Variants in TMX3 observed in about 807,000 individuals in gnomAD.
TMX3 encodes protein disulfide-isomerase TMX3.
TMX3 carries 40 observed loss-of-function variants against 64.4 expected under a neutral mutation model. The ratio of observed to expected loss-of-function variants is 0.62; its 90% CI spans 0.48 to 0.81. TMX3 has a LOEUF of 0.81. Ranked by LOEUF, TMX3 falls within the 30% of genes least tolerant of loss-of-function variation. The pLI, the probability that TMX3 is intolerant of heterozygous loss-of-function variation, is 0.00. For synonymous variants in TMX3, 189 were observed against 175.7 expected (o/e 1.08, Z -0.60); for missense variants, 497 against 534.5 (o/e 0.93, Z 0.69).
intron 2 of TMX3, among the ~76,000 whole-genome samples, chr18:68,711,904 C>G (rs1358808215): frequency 6.6e-6 from 1 of 152,160 alleles, no homozygotes; most frequent in African/African-American, 2.4e-5. Flanking sequence ...CCAGATCACT[C>G]CCCTGAAGAT....
In TMX3 at chr18:68,691,332, C is replaced by T; in HGVS notation, c.600G>A (p.Val200=). 1 of 1,578,600 alleles carries T rather than the reference C, an allele frequency of 6.3e-7. No homozygotes were observed. Among genetic ancestry groups the T allele is most frequent in the Non-Finnish European group, 8.6e-7 (1 of 1,159,012 alleles). ...AGTAAGTTTCATCTTTGAAAACAAG[C>T]ACAGCTGGCATCTCTTTTAGTGTCA... ...EYVTLKEMPA[V]LVFKDETYFV... is the part of the protein sequence containing the mutation. Residue 200 remains valine, a synonymous_variant, in exon 9 of 16, where the codon GTG becomes GTA. Coordinates refer to ENST00000299608, the MANE Select transcript of TMX3 (RefSeq NM_019022.5).
intron 3 of TMX3, among the ~76,000 whole-genome samples, chr18:68,711,047 A>C (rs960932633): frequency 6.6e-6 from 1 of 152,212 alleles, no homozygotes; most frequent in Non-Finnish European, 1.5e-5. Context: ...AGCAAGAGTG[A>C]ATTCTGTAAT....
At position 68,696,927 on chromosome 18, in the gene TMX3, G is replaced by A. The variant is rs142850912; in HGVS notation, c.570+299C>T. 4.7e-3 allele frequency: 1,192 copies of A among 254,334 alleles called. 17 individuals are homozygous for A. Among genetic ancestry groups the A allele is most frequent in the African/African-American group, 0.026 (1,116 of 42,994 alleles). 15.8% of individuals were successfully genotyped at this position (254,334 alleles called of 1,614,324 possible). A position where few individuals can be genotyped will look rare whatever the true frequency, so the allele number is the denominator to read the frequency against. ...ACGCACGCAAAATAATCCACCACTT[G>A]TAAGCCAATTTAGGAGTTTGAGGTA... On this transcript the variant is annotated intron_variant, in intron 8 of 15. Coordinates refer to ENST00000299608, the MANE Select transcript of TMX3 (RefSeq NM_019022.5).
At chr18:68,699,596 C>T (rs959196419) in intron 6 of TMX3, among the ~76,000 whole-genome samples, 1 of 152,056 alleles carries the variant, frequency 6.6e-6, no homozygotes, top group African/African-American at 2.4e-5. Flanking sequence ...TACCTTAAAG[C>T]TATTTAAAGC....
intron 11 of TMX3, 84 bp downstream of exon 11, chr18:68,684,344 A>T: frequency 6.6e-7 from 1 of 1,506,428 alleles, no homozygotes. Context: ...CTGCAGGAAA[A>T]GTAAGATACC....
intron 10 of TMX3, chr18:68,686,744 A>G (rs1426135289): frequency 5.1e-6 from 5 of 985,168 alleles, no homozygotes; most frequent in Non-Finnish European, 6.0e-6. Context: ...ACAGTCTTTG[A>G]CACTGTCCCC....
chr18:68,713,317 G>A lies in TMX3; in HGVS notation c.101+529C>T, dbSNP rs141799582. Among the ~76,000 whole-genome samples the A allele has an allele frequency of 4.1e-3, 620 of 152,292 alleles. 9 individuals are homozygous for A. The highest frequency in any genetic ancestry group is 0.036 in the East Asian group (187 of 5,176). On this transcript the variant is annotated intron_variant, in intron 2 of 15. Coordinates refer to ENST00000299608, the MANE Select transcript of TMX3 (RefSeq NM_019022.5). The stretch of plus-strand genomic sequence containing the variant: ...TGGGAGTGTAGACATGCAAATGAGC[G>A]TGGCTGGCCTGGGAGGCCGAATCCT...
intron 8 of TMX3, among the ~76,000 whole-genome samples, chr18:68,695,308 ATTTCTTCTCACTT>A (rs1914951510): frequency 6.6e-6 from 1 of 151,838 alleles, no homozygotes; most frequent in South Asian, 2.1e-4. Context: ...CTAATTTACT[ATTTCTTCTCACTT>A]TCCTTTGCTG....
Position 68,676,957 on chromosome 18 carries a change from A to G in TMX3, c.1341T>C (p.Asp447=). ...CTCAATCTTTCTTCTTTTCTAATAC[A>G]TCCTTGGGCTCCTGCACTGTAGGCA... ...SVVPTVQEPK[D]VLEKKKD Residue 447 remains aspartate, a synonymous_variant, in exon 16 of 16, where the codon GAT becomes GAC. Transcript: ENST00000299608. 1 of 1,612,772 alleles carries G rather than the reference A, an allele frequency of 6.2e-7. No homozygotes were observed. The highest frequency in any genetic ancestry group is 8.5e-7 in the Non-Finnish European group (1 of 1,179,574).
At chr18:68,697,743 C>G in intron 7 of TMX3, 189 bp downstream of exon 7, 1 of 525,416 alleles carries the variant, frequency 1.9e-6, no homozygotes, top group Non-Finnish European at 3.3e-6. Context: ...TTACACACTT[C>G]TGTTTCATAT....
In TMX3 at chr18:68,714,932, T is replaced by A; in HGVS notation, c.46+4A>T. ...CAGCGTCCCGACCGCTGAGCCCCCATTACCTGTGGCGCAGAGCCGCAGGGC... is the reference window on the plus strand; with the variant it reads ...CAGCGTCCCGACCGCTGAGCCCCCAATACCTGTGGCGCAGAGCCGCAGGGC... On this transcript the variant is annotated splice_donor_region_variant and intron_variant, in intron 1 of 15. Transcript: ENST00000299608. 2 of 1,562,550 alleles carry A rather than the reference T, an allele frequency of 1.3e-6. No homozygotes were observed. Among genetic ancestry groups the A allele is most frequent in the Non-Finnish European group, 1.7e-6 (2 of 1,154,016 alleles).
intron 10 of TMX3, among the ~76,000 whole-genome samples, chr18:68,686,279 T>C (rs1336203722): frequency 6.6e-6 from 1 of 152,174 alleles, no homozygotes; most frequent in Non-Finnish European, 1.5e-5. Flanking sequence ...TCCAAATTCA[T>C]CTGGGAAAAG....
In TMX3 at chr18:68,674,728, A is replaced by T. The variant is rs898649204; in HGVS notation, c.*2205T>A. 1 of 152,140 alleles carries T rather than the reference A, an allele frequency of 6.6e-6. No individual in the cohort carries two copies. The highest frequency in any genetic ancestry group is 2.1e-4 in the South Asian group (1 of 4,832). 9.4% of individuals were successfully genotyped at this position (152,140 alleles called of 1,614,324 possible). A position where few individuals can be genotyped will look rare whatever the true frequency, so the allele number is the denominator to read the frequency against. On this transcript the variant is annotated 3_prime_UTR_variant, in exon 16 of 16. Coordinates refer to ENST00000299608, the MANE Select transcript of TMX3 (RefSeq NM_019022.5). ...CTGACAATGTAAATAAACATCTCCC[A>T]AAGTAGAGAAAAAAACAAAATTTTA...
At chr18:68,710,906 C>G (rs1349483109) in intron 3 of TMX3, among the ~76,000 whole-genome samples, 1 of 152,120 alleles carries the variant, frequency 6.6e-6, no homozygotes, top group African/African-American at 2.4e-5. Context: ...TCTCAACTAT[C>G]ATAAGGTTTA....
intron 4 of TMX3, among the ~76,000 whole-genome samples, chr18:68,709,572 C>T (rs1351323363): frequency 6.6e-6 from 1 of 152,126 alleles, no homozygotes; most frequent in Admixed American, 6.6e-5. Flanking sequence ...ACCTCTTTCA[C>T]ACTCTATTAT....
intron 9 of TMX3, chr18:68,689,954 T>C (rs1323821140): frequency 6.6e-6 from 1 of 152,220 alleles, no homozygotes; most frequent in Non-Finnish European, 1.5e-5. Flanking sequence ...GTACCTTTTA[T>C]ATGACAGCAT....
Position 68,697,262 on chromosome 18 carries a change from T to C in TMX3, c.534A>G (p.Thr178=), listed in dbSNP as rs148877765. 2 of 1,582,440 alleles carry C rather than the reference T, an allele frequency of 1.3e-6. No homozygotes were observed. Among genetic ancestry groups the C allele is most frequent in the African/African-American group, 2.7e-5 (2 of 74,118 alleles). ...IDAASELIVY[T]YFFSASEEVV... Reference sequence around the variant, plus strand: ...CTTCTTCTGAGGCAGAAAAGAAGTATGTATATACAATCAATTCTGAAGCAG... The same window carrying C: ...CTTCTTCTGAGGCAGAAAAGAAGTACGTATATACAATCAATTCTGAAGCAG... The change falls in exon 8 of 16, where the codon ACA becomes ACG. Residue 178 remains threonine, a synonymous_variant. Coordinates refer to ENST00000299608, the MANE Select transcript of TMX3 (RefSeq NM_019022.5).
intron 7 of TMX3, chr18:68,697,627 A>C (rs926510113): frequency 3.0e-4 from 114 of 376,710 alleles, no homozygotes; most frequent in African/African-American, 2.3e-3. Context: ...CACACATACA[A>C]AGTCTGCAGT....
chr18:68,690,791 G>GT (rs1360928732), intron 9 of TMX3, among the ~76,000 whole-genome samples: 1 of 152,126 alleles, frequency 6.6e-6, no homozygotes, highest in Non-Finnish European at 1.5e-5. Context: ...TTACTACGAT[G>GT]TATGTTTGAT....
Sources: gnomAD v4.1 joint callset for allele counts (sites outside exome capture counted in the v4.1 genomes callset) on GRCh38, gnomAD v4.1.1 for gene constraint, MANE v1.5 for transcripts, NCBI Gene and HGNC (gene_info 2026-07-23, HGNC 2026-07-21) for gene names.